The following PAH variants were observed in gnomAD, a reference collection of about 807,000 sequenced individuals.
PAH encodes the protein phenylalanine hydroxylase, also known as phenylalanine-4-hydroxylase.
In PAH, 64 loss-of-function variants were observed where a neutral mutation model predicts 62.0. The observed-to-expected ratio is 1.03, with a 90% CI of 0.84 to 1.27. PAH has a LOEUF of 1.27. Ranked by LOEUF, PAH falls within the 50% of genes most tolerant of loss-of-function variation. The probability of loss-of-function intolerance (pLI) is 0.00; values close to 1 mark genes in which losing one functional copy is unlikely to be tolerated. For missense variants in PAH, 579 were observed against 542.8 expected (o/e 1.07, Z -0.66); for synonymous variants, 195 against 196.2 (o/e 0.99, Z 0.05).
chr12:102,877,645 G>A, intron 3 of PAH, 95 bp from the exon 4 acceptor site: 1 of 884,784 alleles, frequency 1.1e-6, no homozygotes, highest in South Asian at 1.3e-5. Flanking sequence ...AGCCAATGGT[G>A]ATGGCAAGTG....
intron 4 of PAH, among the ~76,000 whole-genome samples, chr12:102,876,998 C>T (rs1173935389): frequency 1.3e-5 from 2 of 152,146 alleles, no homozygotes; most frequent in South Asian, 2.1e-4. Context: ...ACTGTTCTTT[C>T]AGCCATAAGC....
intron 2 of PAH, among the ~76,000 whole-genome samples, chr12:102,898,584 G>T (rs542540261): frequency 1.1e-4 from 16 of 152,336 alleles, no homozygotes; most frequent in African/African-American, 3.4e-4. Flanking sequence ...CAAAAGAACT[G>T]TAGTGATGCC....
intron 2 of PAH, among the ~76,000 whole-genome samples, chr12:102,909,225 T>C (rs1055756588): frequency 2.0e-5 from 3 of 152,092 alleles, no homozygotes; most frequent in Admixed American, 1.3e-4. Context: ...GTAATGGTCA[T>C]GTATTTTGGA....
At chr12:102,905,531 T>TA (rs145511362) in intron 2 of PAH, among the ~76,000 whole-genome samples, 1 of 151,812 alleles carries the variant, frequency 6.6e-6, no homozygotes, top group African/African-American at 2.4e-5. Context: ...TTTCTCTGAT[T>TA]AAAAAAAATA....
At chr12:102,880,244 T>C (rs1157548846) in intron 3 of PAH, among the ~76,000 whole-genome samples, 1 of 152,220 alleles carries the variant, frequency 6.6e-6, no homozygotes, top group East Asian at 1.9e-4. Flanking sequence ...ATTTGCGTTG[T>C]ACACTGAACC....
chr12:102,893,781 G>A (rs1292278536), intron 3 of PAH, among the ~76,000 whole-genome samples: 1 of 152,224 alleles, frequency 6.6e-6, no homozygotes, highest in African/African-American at 2.4e-5. Flanking sequence ...CCCGGAGGAT[G>A]AGTAGCATTT....
intron 4 of PAH, among the ~76,000 whole-genome samples, chr12:102,873,186 TCCTTTGTTCAGA>T (rs1876427472): frequency 1.3e-5 from 2 of 152,172 alleles, no homozygotes; most frequent in Non-Finnish European, 2.9e-5. Flanking sequence ...CTGTCCTCTC[TCCTTTGTTCAGA>T]GAACGTTGCT....
rs1177291080 is a variant in PAH at position 102,838,942 on chromosome 12, ATC to A, written c.*231_*232del. 2 of 570,754 alleles carry A rather than the reference ATC, an allele frequency of 3.5e-6. No individual in the cohort carries two copies. The highest frequency in any genetic ancestry group is 3.8e-5 in the African/African-American group (2 of 53,302). The allele number at this position is 570,754 out of a possible 1,614,324, so 35.4% of individuals were successfully genotyped here. A position where few individuals can be genotyped will look rare whatever the true frequency, so the allele number is the denominator to read the frequency against. ...TTAACTCAATTGAGAGTATGGGATTATCATCTCTAAATCAAAGATGACCCCAA... is the reference window on the plus strand; with the variant it reads ...TTAACTCAATTGAGAGTATGGGATTAATCTCTAAATCAAAGATGACCCCAA... On this transcript the variant is annotated 3_prime_UTR_variant, in exon 13 of 13. Coordinates refer to ENST00000553106, the MANE Select transcript of PAH (RefSeq NM_000277.3).
At chr12:102,857,954 G>T (rs1319023691) in intron 5 of PAH, among the ~76,000 whole-genome samples, 1 of 152,130 alleles carries the variant, frequency 6.6e-6, no homozygotes, top group African/African-American at 2.4e-5. Flanking sequence ...ATAATGACAG[G>T]ATCAAATTCA....
chr12:102,916,969 C>A, intron 1 of PAH, 102 bp downstream of exon 1: 2 of 1,051,234 alleles, frequency 1.9e-6, no homozygotes, highest in South Asian at 2.5e-5. Flanking sequence ...ATTCAGACTT[C>A]TTACTGAGCT....
At chr12:102,839,889 CTA>C (rs556192586) in intron 12 of PAH, among the ~76,000 whole-genome samples, 28 of 152,248 alleles carry the variant, frequency 1.8e-4, no homozygotes, top group Non-Finnish European at 3.7e-4. Context: ...AGCATGAGAA[CTA>C]AAAATTGATC....
chr12:102,911,371 G>A (rs1175693829), intron 2 of PAH, among the ~76,000 whole-genome samples: 6 of 152,140 alleles, frequency 3.9e-5, no homozygotes, highest in Non-Finnish European at 8.8e-5. Context: ...TCTGTCTGGG[G>A]CAGTACTGAA....
intron 1 of PAH, among the ~76,000 whole-genome samples, chr12:102,948,750 A>T (rs1201862406): frequency 6.6e-6 from 1 of 152,226 alleles, no homozygotes; most frequent in Non-Finnish European, 1.5e-5. Flanking sequence ...ATAGTTCTTT[A>T]TCTTTAGTAT....
chr12:102,892,381 G>A (rs1877312734), intron 3 of PAH, among the ~76,000 whole-genome samples: 1 of 114,672 alleles, frequency 8.7e-6, no homozygotes, highest in Non-Finnish European at 1.6e-5. Flanking sequence ...CGATTTTACA[G>A]TAGAAAAAAA....
At chr12:102,877,071 G>A (rs145567357) in intron 4 of PAH, among the ~76,000 whole-genome samples, 1 of 152,008 alleles carries the variant, frequency 6.6e-6, no homozygotes, top group Non-Finnish European at 1.5e-5. Flanking sequence ...TTTCAACGTC[G>A]CCACTCCCCG....
At chr12:102,846,806 T>G (rs1874863693) in intron 9 of PAH, 89 bp downstream of exon 9, 2 of 1,070,206 alleles carry the variant, frequency 1.9e-6, no homozygotes, top group African/African-American at 3.1e-5. Flanking sequence ...CCAGATAACC[T>G]GGCTTCCAGG....
intron 1 of PAH, chr12:102,945,872 C>T (rs184170318): frequency 2.0e-5 from 3 of 152,362 alleles, no homozygotes. Context: ...GAAGGAGTCT[C>T]TCCTCATAGC....
chr12:102,918,082 C>A (rs1324826780), upstream of PAH, among the ~76,000 whole-genome samples: 2 of 152,100 alleles, frequency 1.3e-5, no homozygotes, highest in Admixed American at 6.5e-5. Flanking sequence ...AGAAAATAAA[C>A]ATATAAATAA....
chr12:102,930,309 A>C (rs1381297320), intron 1 of PAH, among the ~76,000 whole-genome samples: 1 of 152,142 alleles, frequency 6.6e-6, no homozygotes, highest in Non-Finnish European at 1.5e-5. Flanking sequence ...TCACATCTAC[A>C]TAAGCTCTGA....
Sources: allele counts gnomAD v4.1 joint callset (sites outside exome capture counted in the v4.1 genomes callset), GRCh38; gene constraint gnomAD v4.1.1; transcripts MANE v1.5; gene names NCBI Gene and HGNC (gene_info 2026-07-23, HGNC 2026-07-21).